FARS2: variants seen among roughly 807,000 people sequenced by gnomAD.
FARS2 encodes the protein phenylalanyl-tRNA synthetase 2, mitochondrial.
A neutral mutation model predicts 46.4 loss-of-function variants in FARS2; 40 were observed. That is an observed-to-expected ratio of 0.86 (90% CI 0.67 to 1.12). The LOEUF is 1.12. FARS2 is among the 50% of genes most tolerant of loss of function. FARS2 has a pLI of 0.00. For missense variants in FARS2, 513 were observed against 567.9 expected, an observed-to-expected ratio of 0.90 and a Z score of 0.98; for synonymous variants, 234 against 214.9, an observed-to-expected ratio of 1.09 and a Z score of -0.78.
intron 6 of FARS2, among the ~76,000 whole-genome samples, chr6:5,723,613 C>A (rs564189815): frequency 1.3e-5 from 2 of 152,348 alleles, no homozygotes; most frequent in Admixed American, 6.5e-5. Context: ...TCTCTCGATC[C>A]ATTTTTCCTT....
At chr6:5,651,733 C>T (rs1231868861) in intron 6 of FARS2, among the ~76,000 whole-genome samples, 3 of 152,118 alleles carry the variant, frequency 2.0e-5, no homozygotes, top group African/African-American at 4.8e-5. Flanking sequence ...TGTGTATTAA[C>T]GATTAAATCC....
rs1772988135 is a variant in FARS2, at chr6:5,576,597, GATATATTATAT to G, written c.1065+31263_1065+31273del. ...TATCTATGATATATACTCTATATAT[GATATATTATAT>G]ATATAAAGTATATATCATATATTAA... On this transcript the variant is annotated intron_variant, in intron 5 of 6. Transcript: ENST00000274680. Among the ~76,000 whole-genome samples, 3 of 144,166 alleles carry G rather than the reference GATATATTATAT, an allele frequency of 2.1e-5. No individual in the cohort carries two copies. The South Asian group carries it at 6.5e-4, about 31-fold the overall frequency. The allele number at this position is 144,166 out of a possible 152,430, so 94.6% of individuals were successfully genotyped here.
rs1769016433 is a variant in FARS2 at position 5,519,697 on chromosome 6, GT to G, written c.905-25482del. Among the ~76,000 whole-genome samples the G allele has an allele frequency of 2.0e-5, 3 of 152,152 alleles. No individual in the cohort carries two copies. The South Asian group carries it at 6.2e-4, about 32-fold the overall frequency. On this transcript the variant is annotated intron_variant, in intron 4 of 6. Coordinates refer to ENST00000274680, the MANE Select transcript of FARS2 (RefSeq NM_006567.5). ...ACTCTTAAAGGCAGTATGACTCTGA[GT>G]CCAGTCCCCTGTGCGATTAAAATAA... is the stretch of plus-strand genomic sequence containing the variant.
chr6:5,329,463 T>G (rs1770638800), intron 1 of FARS2, among the ~76,000 whole-genome samples: 1 of 143,870 alleles, frequency 7.0e-6, no homozygotes. Context: ...ATGTATGAGT[T>G]TTTAAATTTT....
At chr6:5,617,556 C>A (rs1775542183) in intron 6 of FARS2, among the ~76,000 whole-genome samples, 1 of 152,240 alleles carries the variant, frequency 6.6e-6, no homozygotes, top group Non-Finnish European at 1.5e-5. Flanking sequence ...TTCCACTCAG[C>A]TAGAAGTCTA....
chr6:5,687,274 A>G (rs12210617), intron 6 of FARS2, among the ~76,000 whole-genome samples: 61,207 of 152,044 alleles, frequency 0.4, 12,954 homozygotes, highest in East Asian at 0.68. Flanking sequence ...GTCCTTGCCC[A>G]TGCCTATGCC....
chr6:5,525,878 A>G (rs1476459641), intron 4 of FARS2, among the ~76,000 whole-genome samples: 1 of 152,270 alleles, frequency 6.6e-6, no homozygotes, highest in African/African-American at 2.4e-5. Flanking sequence ...TAGATGCTCT[A>G]ACAGGAAGAC....
At position 5,729,945 on chromosome 6, in the gene FARS2, A is replaced by T. The variant is rs563046447; in HGVS notation, c.1218-41346A>T. On this transcript the variant is annotated intron_variant, in intron 6 of 6. Coordinates refer to ENST00000274680, the MANE Select transcript of FARS2 (RefSeq NM_006567.5). Reference sequence around the variant, plus strand: ...TTACCAGCATCCCTGGCTTCTGCTGACTGGATGCCAGGAGCAGCCCCCTGA... The same window carrying T: ...TTACCAGCATCCCTGGCTTCTGCTGTCTGGATGCCAGGAGCAGCCCCCTGA... 3.3e-5 allele frequency among the ~76,000 whole-genome samples: 5 copies of T among 152,248 alleles called. No individual in the cohort carries two copies. In the South Asian group the frequency reaches 1.0e-3, roughly 32 times the overall value.
At chr6:5,679,843 C>A (rs144165779) in intron 6 of FARS2, among the ~76,000 whole-genome samples, 1 of 146,600 alleles carries the variant, frequency 6.8e-6, no homozygotes, top group East Asian at 2.1e-4. Flanking sequence ...ACCCTCACTT[C>A]CCCCACCCCC....
chr6:5,334,290 C>T (rs188472066), intron 1 of FARS2, among the ~76,000 whole-genome samples: 24 of 152,250 alleles, frequency 1.6e-4, no homozygotes, highest in Admixed American at 1.2e-3. Flanking sequence ...TCCTAACTGG[C>T]GCACTCCCTC....
chr6:5,353,716 A>G (rs1398397455), intron 1 of FARS2, among the ~76,000 whole-genome samples: 1 of 113,718 alleles, frequency 8.8e-6, no homozygotes, highest in Non-Finnish European at 1.9e-5. Flanking sequence ...TTTAAATTGT[A>G]ATATTTGGTG....
At chr6:5,337,475 C>G (rs916413182) in intron 1 of FARS2, among the ~76,000 whole-genome samples, 4 of 152,134 alleles carry the variant, frequency 2.6e-5, no homozygotes. Flanking sequence ...GAAGGAATAT[C>G]TCCTTTTTAA....
intron 4 of FARS2, among the ~76,000 whole-genome samples, chr6:5,524,771 A>G (rs1582351071): frequency 6.6e-6 from 1 of 152,336 alleles, no homozygotes; most frequent in Admixed American, 6.5e-5. Flanking sequence ...TGGTGTAGCC[A>G]GGATTAGTCT....
chr6:5,586,109 C>T (rs1309680101), intron 5 of FARS2, among the ~76,000 whole-genome samples: 1 of 152,002 alleles, frequency 6.6e-6, no homozygotes, highest in Non-Finnish European at 1.5e-5. Context: ...TTAGTTCTAA[C>T]AGATTTTTGG....
At chr6:5,616,604 C>T (rs1052771020) in intron 6 of FARS2, among the ~76,000 whole-genome samples, 2 of 152,090 alleles carry the variant, frequency 1.3e-5, no homozygotes, top group Non-Finnish European at 2.9e-5. Flanking sequence ...ATACGTGTAT[C>T]CTGAAGGTAA....
chr6:5,675,673 T>C (rs1256661301), intron 6 of FARS2, among the ~76,000 whole-genome samples: 1 of 152,204 alleles, frequency 6.6e-6, no homozygotes, highest in Non-Finnish European at 1.5e-5. Flanking sequence ...AAGAGTAACT[T>C]AGAAAACGTA....
chr6:5,617,856 G>A (rs1262387774), intron 6 of FARS2, among the ~76,000 whole-genome samples: 3 of 152,128 alleles, frequency 2.0e-5, no homozygotes, highest in Non-Finnish European at 4.4e-5. Flanking sequence ...TTATTTTTTA[G>A]ATCTCATTAT....
chr6:5,402,300 A>G (rs1197925763), intron 2 of FARS2, among the ~76,000 whole-genome samples: 1 of 151,268 alleles, frequency 6.6e-6, no homozygotes, highest in Non-Finnish European at 1.5e-5. Flanking sequence ...GTTTCTGACT[A>G]AAGCAATTTA....
At chr6:5,609,217 TG>T (rs1775026568) in intron 5 of FARS2, 1 of 1,190,602 alleles carries the variant, frequency 8.4e-7, no homozygotes, top group African/African-American at 1.5e-5. Flanking sequence ...GGCTAAGCTT[TG>T]TTTCCTAATT....
Sources: gnomAD v4.1 joint callset for allele counts (sites outside exome capture counted in the v4.1 genomes callset) on GRCh38, gnomAD v4.1.1 for gene constraint, MANE v1.5 for transcripts, NCBI Gene and HGNC (gene_info 2026-07-23, HGNC 2026-07-21) for gene names.